The following AQR variants were observed in gnomAD, a reference collection of about 807,000 sequenced individuals.
AQR encodes RNA helicase aquarius.
In AQR, 61 loss-of-function variants were observed where a neutral mutation model predicts 180.5. The ratio of observed to expected loss-of-function variants is 0.34; its 90% CI spans 0.28 to 0.42. The LOEUF (loss-of-function observed/expected upper bound fraction) is 0.42, where lower values mean the gene tolerates loss of function less well. AQR is among the 10% of genes least tolerant of loss of function. AQR has a pLI of 1.00. For missense variants in AQR, 1,281 were observed against 1,798.3 expected (o/e 0.71, Z 5.20); for synonymous variants, 551 against 588.8 (o/e 0.94, Z 0.93).
intron 23 of AQR, among the ~76,000 whole-genome samples, chr15:34,892,282 T>A (rs1261404890): frequency 6.6e-6 from 1 of 152,192 alleles, no homozygotes; most frequent in Non-Finnish European, 1.5e-5. Flanking sequence ...GTAATACAGG[T>A]GTACATTTCA....
intron 31 of AQR, among the ~76,000 whole-genome samples, chr15:34,870,486 ATAATG>A (rs1169162162): frequency 6.6e-6 from 1 of 152,150 alleles, no homozygotes; most frequent in Non-Finnish European, 1.5e-5. Flanking sequence ...TACACATATT[ATAATG>A]TAATTTTGTT....
intron 8 of AQR, 82 bp downstream of exon 8, chr15:34,940,817 G>A (rs1321869772): frequency 2.8e-6 from 3 of 1,061,550 alleles, no homozygotes; most frequent in Non-Finnish European, 4.3e-6. Flanking sequence ...TATATAAAGG[G>A]AAACAACAAA....
At chr15:34,902,218 AC>A (rs1161644786) in intron 19 of AQR, among the ~76,000 whole-genome samples, 2 of 152,166 alleles carry the variant, frequency 1.3e-5, no homozygotes, top group Non-Finnish European at 2.9e-5. Flanking sequence ...GATCAGTGTC[AC>A]ACAGTAGGAG....
At chr15:34,916,931 G>T (rs1893603082) in intron 15 of AQR, among the ~76,000 whole-genome samples, 1 of 150,022 alleles carries the variant, frequency 6.7e-6, no homozygotes, top group African/African-American at 2.5e-5. Context: ...ATGTATAGAA[G>T]GTACCAGTAA....
At position 34,852,193 on chromosome 15, in the gene AQR, A is replaced by ATTTT. The variant is rs1892523561; in HGVS notation, c.*4598_*4599insAAAA. The ATTTT allele has an allele frequency of 6.7e-6, 1 of 148,418 alleles. No homozygotes were observed. Among genetic ancestry groups the ATTTT allele is most frequent in the African/African-American group, 2.5e-5 (1 of 39,472 alleles). 9.2% of individuals were successfully genotyped at this position (148,418 alleles called of 1,614,324 possible). A position where few individuals can be genotyped will look rare whatever the true frequency, so the allele number is the denominator to read the frequency against. On this transcript the variant is annotated 3_prime_UTR_variant, in exon 35 of 35. Transcript: ENST00000156471. ...AGTTATGTTTTTTTTTTTTTTTTGA[A>ATTTT]GGAGTTTTTGCTCGTCGCCCAGGCT...
chr15:34,861,833 CTTA>C (rs959793812), intron 33 of AQR, among the ~76,000 whole-genome samples: 1 of 152,062 alleles, frequency 6.6e-6, no homozygotes, highest in East Asian at 1.9e-4. Context: ...TTATAAAGTA[CTTA>C]TTATTATTAA....
Position 34,920,325 on chromosome 15 carries a change from T to C in AQR, c.1221+7A>G, listed in dbSNP as rs1893664511. On this transcript the variant is annotated splice_region_variant and intron_variant, in intron 14 of 34. Transcript: ENST00000156471. Reference sequence around the variant, plus strand: ...ACATGCAAAATTCAGAGAACATTAATATTTACCAGCAATTCTAGAAGAAAT... The same window carrying C: ...ACATGCAAAATTCAGAGAACATTAACATTTACCAGCAATTCTAGAAGAAAT... 2 of 1,586,628 alleles carry C rather than the reference T, an allele frequency of 1.3e-6. No homozygotes were observed. Among genetic ancestry groups the C allele is most frequent in the African/African-American group, 2.7e-5 (2 of 74,356 alleles).
At chr15:34,882,406 C>T in intron 27 of AQR, 96 bp downstream of exon 27, 1 of 1,237,442 alleles carries the variant, frequency 8.1e-7, no homozygotes. Context: ...ATAAAAGAAA[C>T]ATTTTAAGGT....
intron 13 of AQR, among the ~76,000 whole-genome samples, chr15:34,925,200 T>C (rs1172792212): frequency 6.6e-6 from 1 of 151,228 alleles, no homozygotes; most frequent in Non-Finnish European, 1.5e-5. Flanking sequence ...AAATGCAAAA[T>C]AGCAAAGGAA....
intron 13 of AQR, among the ~76,000 whole-genome samples, chr15:34,924,907 C>A (rs1595798969): frequency 1.6e-5 from 2 of 128,566 alleles, no homozygotes; most frequent in Non-Finnish European, 3.2e-5. Flanking sequence ...AACTATGCAG[C>A]TAAGCTAAAT....
At chr15:34,946,124 AGCTGGG>A (rs1894109026) in intron 5 of AQR, among the ~76,000 whole-genome samples, 1 of 152,110 alleles carries the variant, frequency 6.6e-6, no homozygotes, top group South Asian at 2.1e-4. Flanking sequence ...TACAACAATT[AGCTGGG>A]CATGGTGGCG....
At chr15:34,946,758 TG>T (rs1345559866) in intron 5 of AQR, among the ~76,000 whole-genome samples, 3 of 85,810 alleles carry the variant, frequency 3.5e-5, no homozygotes, top group African/African-American at 4.7e-5. Context: ...GGGAGGGAGG[TG>T]GGGGGGTCAG....
intron 34 of AQR, among the ~76,000 whole-genome samples, chr15:34,859,712 T>G (rs142884941): frequency 5.1e-4 from 77 of 152,244 alleles, no homozygotes; most frequent in Non-Finnish European, 9.7e-4. Flanking sequence ...AGGGGACTGG[T>G]GAAGGGCAAG....
chr15:34,892,546 C>G (rs1442046711), intron 23 of AQR, among the ~76,000 whole-genome samples: 1 of 152,140 alleles, frequency 6.6e-6, no homozygotes. Context: ...TTTTATATAT[C>G]TCTCAATGTC....
At position 34,957,282 on chromosome 15, in the gene AQR, G is replaced by C. The variant is rs192431455; in HGVS notation, c.173+3492C>G. Among the ~76,000 whole-genome samples, 90 of 152,052 alleles carry C rather than the reference G, an allele frequency of 5.9e-4. No individual in the cohort carries two copies. In the Middle Eastern group the frequency reaches 0.01, roughly 17 times the overall value. On this transcript the variant is annotated intron_variant, in intron 3 of 34. Transcript: ENST00000156471. The stretch of plus-strand genomic sequence containing the variant: ...AGCGATTCTCCTGCCTCAGTCTCTC[G>C]AGTAGCTGGGATTACAGATGCGTGC...
intron 5 of AQR, among the ~76,000 whole-genome samples, chr15:34,947,158 C>G (rs1894140497): frequency 6.8e-6 from 1 of 147,010 alleles, no homozygotes; most frequent in South Asian, 2.1e-4. Flanking sequence ...TCATTTTGTT[C>G]TGTACTAAGA....
At chr15:34,913,646 T>C (rs1168924300) in intron 16 of AQR, among the ~76,000 whole-genome samples, 1 of 152,202 alleles carries the variant, frequency 6.6e-6, no homozygotes, top group East Asian at 1.9e-4. Flanking sequence ...TTAAGTAAAA[T>C]ATAAATGAAT....
intron 23 of AQR, among the ~76,000 whole-genome samples, chr15:34,891,299 C>T (rs1233887274): frequency 1.3e-5 from 2 of 152,090 alleles, no homozygotes; most frequent in South Asian, 2.1e-4. Flanking sequence ...AACTCAAGAA[C>T]CACATAGATT....
intron 32 of AQR, among the ~76,000 whole-genome samples, chr15:34,865,432 T>G (rs1440468522): frequency 2.0e-5 from 3 of 152,090 alleles, no homozygotes; most frequent in Admixed American, 2.0e-4. Flanking sequence ...ATCACCCAAT[T>G]AGTCCACCCT....
Sources: allele counts gnomAD v4.1 joint callset (sites outside exome capture counted in the v4.1 genomes callset), GRCh38; gene constraint gnomAD v4.1.1; transcripts MANE v1.5; gene names NCBI Gene and HGNC (gene_info 2026-07-23, HGNC 2026-07-21).